SHANK2: variants seen among roughly 807,000 people sequenced by gnomAD.
The protein encoded by SHANK2 is SH3 and multiple ankyrin repeat domains 2.
Under a neutral mutation model 133.7 loss-of-function variants are expected in SHANK2, and 43 were observed. The observed-to-expected ratio is 0.32, with a 90% CI of 0.25 to 0.41. SHANK2 has a LOEUF of 0.41. SHANK2 is among the 10% of genes least tolerant of loss of function. The probability of loss-of-function intolerance (pLI) is 1.00; values close to 1 mark genes in which losing one functional copy is unlikely to be tolerated. For missense variants in SHANK2, 1,994 were observed against 2,235.8 expected (o/e 0.89, Z 2.18); for synonymous variants, 1,017 against 952.8 (o/e 1.07, Z -1.24).
intron 17 of SHANK2, among the ~76,000 whole-genome samples, chr11:70,595,262 C>T (rs1201410576): frequency 3.3e-5 from 5 of 152,198 alleles, no homozygotes; most frequent in Non-Finnish European, 7.3e-5. Flanking sequence ...GGCCGTCCAC[C>T]CCGACCCCCT....
At chr11:71,084,820 G>A (rs1213556814) in intron 8 of SHANK2, among the ~76,000 whole-genome samples, 1 of 152,176 alleles carries the variant, frequency 6.6e-6, no homozygotes, top group Non-Finnish European at 1.5e-5. Flanking sequence ...GTGGCCTTGG[G>A]CAAGTTACCT....
intron 14 of SHANK2, among the ~76,000 whole-genome samples, chr11:70,763,604 G>C (rs1947041992): frequency 6.6e-6 from 1 of 152,190 alleles, no homozygotes; most frequent in Admixed American, 6.5e-5. Context: ...TGTGCTTTCG[G>C]GCCAACAGCA....
intron 17 of SHANK2, among the ~76,000 whole-genome samples, chr11:70,651,382 C>G (rs1180085919): frequency 1.3e-5 from 2 of 152,192 alleles, no homozygotes; most frequent in Non-Finnish European, 2.9e-5. Flanking sequence ...ACCACCTGTT[C>G]CCAGTCAATA....
At chr11:71,136,998 G>A (rs1439944640) in intron 3 of SHANK2, among the ~76,000 whole-genome samples, 2 of 152,170 alleles carry the variant, frequency 1.3e-5, no homozygotes, top group East Asian at 3.9e-4. Flanking sequence ...GAGTAGCTGG[G>A]ATTACAGGCA....
At chr11:71,227,919 A>T (rs1190650734) in intron 1 of SHANK2, among the ~76,000 whole-genome samples, 1 of 152,134 alleles carries the variant, frequency 6.6e-6, no homozygotes, top group Non-Finnish European at 1.5e-5. Flanking sequence ...ATGAGTGGGA[A>T]AAAATGAACA....
rs1306426882 is a variant in SHANK2, at chr11:71,252,112, A to G, written c.-113+313T>C. ...TACGTGGTCCATGCGCGCAGGAGAT[A>G]AAGCGGGGGCTCCTTCCTGCGCTCT... On this transcript the variant is annotated intron_variant, in intron 1 of 25. Transcript: ENST00000601538. This position sits in a 1 kb window ranked among gnomAD's most constrained non-coding sequence, Gnocchi z 6.3. Among the ~76,000 whole-genome samples, 4 of 152,108 alleles carry G rather than the reference A, an allele frequency of 2.6e-5. No homozygotes were observed. The highest frequency in any genetic ancestry group is 4.4e-5 in the Non-Finnish European group (3 of 67,984).
intron 17 of SHANK2, among the ~76,000 whole-genome samples, chr11:70,591,962 G>A (rs1270755131): frequency 6.6e-6 from 1 of 152,074 alleles, no homozygotes; most frequent in African/African-American, 2.4e-5. Flanking sequence ...AGGTTGCAGT[G>A]AGCTGAGATG....
chr11:71,068,358 T>C (rs978462912), intron 9 of SHANK2, among the ~76,000 whole-genome samples: 7 of 152,350 alleles, frequency 4.6e-5, no homozygotes, highest in South Asian at 4.1e-4. Flanking sequence ...CCCCAGTGTC[T>C]GTAGCAGAAA....
intron 17 of SHANK2, among the ~76,000 whole-genome samples, chr11:70,562,554 A>T (rs1478275981): frequency 6.6e-6 from 1 of 152,176 alleles, no homozygotes; most frequent in African/African-American, 2.4e-5. Flanking sequence ...CTTTGTTCTA[A>T]AATCTATTTT....
intron 1 of SHANK2, among the ~76,000 whole-genome samples, chr11:71,250,113 C>A (rs1207309843): frequency 7.6e-6 from 1 of 131,100 alleles, no homozygotes; most frequent in Non-Finnish European, 1.6e-5. Context: ...ACAGACCGCC[C>A]CCCTCCCCGG....
chr11:71,153,011 T>C (rs1469960159), intron 2 of SHANK2, among the ~76,000 whole-genome samples: 5 of 152,310 alleles, frequency 3.3e-5, no homozygotes, highest in African/African-American at 1.2e-4. Flanking sequence ...GACATTCTTA[T>C]ACTAAAAAAC....
chr11:71,081,438 G>A lies in SHANK2; in HGVS notation c.913-6163C>T, dbSNP rs1037353148. Among the ~76,000 whole-genome samples the A allele has an allele frequency of 6.0e-3, 908 of 152,262 alleles. 7 individuals carry two copies. The highest frequency in any genetic ancestry group is 0.021 in the African/African-American group (870 of 41,544). On this transcript the variant is annotated intron_variant, in intron 8 of 25. Transcript: ENST00000601538. ...GACTGGCATTCCCACATAAAGCTGC[G>A]GCCCTTGCCCACCTTCCCCATGGAG...
At chr11:70,928,689 G>A (rs1950462529) in intron 10 of SHANK2, among the ~76,000 whole-genome samples, 1 of 152,066 alleles carries the variant, frequency 6.6e-6, no homozygotes, top group African/African-American at 2.4e-5. Context: ...GATCCATGGG[G>A]CAGAATTAGG....
chr11:71,184,125 G>A (rs977449646), intron 2 of SHANK2, among the ~76,000 whole-genome samples: 2 of 152,124 alleles, frequency 1.3e-5, no homozygotes, highest in African/African-American at 2.4e-5. Context: ...CCTCCCCGGC[G>A]GCACCTGGAC....
chr11:70,623,127 G>T (rs2060853573), intron 17 of SHANK2, among the ~76,000 whole-genome samples: 1 of 152,016 alleles, frequency 6.6e-6, no homozygotes, highest in African/African-American at 2.4e-5. Flanking sequence ...AGTGAGCCAA[G>T]ATCGCGCCAC....
At chr11:71,085,422 C>T (rs1445916995) in intron 8 of SHANK2, among the ~76,000 whole-genome samples, 2 of 141,712 alleles carry the variant, frequency 1.4e-5, no homozygotes, top group Non-Finnish European at 3.0e-5. Context: ...CCCCACTTCA[C>T]CCCAGCCTGG....
intron 17 of SHANK2, among the ~76,000 whole-genome samples, chr11:70,623,807 T>A (rs1211498138): frequency 6.6e-6 from 1 of 152,178 alleles, no homozygotes; most frequent in African/African-American, 2.4e-5. Flanking sequence ...TCCAGAAAGT[T>A]CTACCAGACA....
At chr11:70,815,016 A>G (rs1332114197) in intron 12 of SHANK2, among the ~76,000 whole-genome samples, 1 of 152,140 alleles carries the variant, frequency 6.6e-6, no homozygotes, top group Non-Finnish European at 1.5e-5. Context: ...GTGTCTCAGG[A>G]ATGTTCTCAG....
chr11:71,110,158 G>T (rs1951871141), intron 5 of SHANK2, 109 bp from the exon 6 acceptor site: 2 of 817,538 alleles, frequency 2.4e-6, no homozygotes, highest in East Asian at 2.8e-5. Context: ...GCCAGACATG[G>T]CTGCACACGG....
Sources: gnomAD v4.1 joint callset for allele counts (sites outside exome capture counted in the v4.1 genomes callset) on GRCh38, gnomAD v4.1.1 for gene constraint, Gnocchi (gnomAD v3.1) non-coding constraint, MANE v1.5 for transcripts, NCBI Gene and HGNC (gene_info 2026-07-23, HGNC 2026-07-21) for gene names.